The following CASD1 variants were observed in gnomAD, a reference collection of about 807,000 sequenced individuals.
CASD1 encodes the protein CAS1 domain sialic acid O acetyltransferase 1.
A neutral mutation model predicts 100.0 loss-of-function variants in CASD1; 41 were observed. The observed-to-expected ratio is 0.41, with a 90% CI of 0.32 to 0.53. The LOEUF is 0.53. Ranked by LOEUF, CASD1 falls within the 20% of genes least tolerant of loss-of-function variation. The pLI, the probability that CASD1 is intolerant of heterozygous loss-of-function variation, is 0.25. For synonymous variants in CASD1, 321 were observed against 315.6 expected (o/e 1.02, Z -0.18); for missense variants, 774 against 948.7 (o/e 0.82, Z 2.42).
intron 16 of CASD1, 93 bp from the exon 17 acceptor site, chr7:94,554,388 CAT>C (rs1796103660): frequency 5.3e-6 from 4 of 757,038 alleles, no homozygotes; most frequent in Admixed American, 5.4e-5. Flanking sequence ...AGTTCACAAA[CAT>C]AAAGAATAAG....
the CASD1 span, chr7:94,590,986 G>A: frequency 6.6e-6 from 1 of 151,860 alleles, no homozygotes; most frequent in Non-Finnish European, 1.5e-5. Flanking sequence ...GATATTACTA[G>A]GGAAATAATA....
At chr7:94,589,336 TC>T in the CASD1 span, 737 of 156,732 alleles carry the variant, frequency 4.7e-3, 3 homozygotes, top group African/African-American at 0.017. Context: ...CTCATTTGGA[TC>T]TGCCCCATTC....
At chr7:94,512,351 A>G (rs980212530) in intron 1 of CASD1, among the ~76,000 whole-genome samples, 2 of 152,228 alleles carry the variant, frequency 1.3e-5, no homozygotes, top group East Asian at 1.9e-4. Flanking sequence ...AGCCCAGGCC[A>G]TGGCTTGGAA....
chr7:94,574,145 A>AT, the CASD1 span, among the ~76,000 whole-genome samples: 4 of 151,968 alleles, frequency 2.6e-5, no homozygotes, highest in Admixed American at 2.6e-4. Context: ...TTTGTTGAGG[A>AT]TTTTTGCATC....
the CASD1 span, among the ~76,000 whole-genome samples, chr7:94,581,950 C>G: frequency 1.3e-5 from 2 of 152,202 alleles, no homozygotes; most frequent in African/African-American, 2.4e-5. Flanking sequence ...GGAACCACCA[C>G]AGTGTCTTCC....
At chr7:94,537,943 C>A in intron 9 of CASD1, 49 bp downstream of exon 9, 2 of 1,020,352 alleles carry the variant, frequency 2.0e-6, no homozygotes, top group East Asian at 2.4e-5. Flanking sequence ...TGTCTCATTA[C>A]ATACTCTGTG....
chr7:94,518,705 T>C (rs1000804741), intron 3 of CASD1, among the ~76,000 whole-genome samples: 18 of 152,114 alleles, frequency 1.2e-4, no homozygotes, highest in Non-Finnish European at 2.2e-4. Context: ...TAGTAATCTT[T>C]TAATATGTGC....
the CASD1 span, chr7:94,597,122 C>A: frequency 3.3e-5 from 5 of 151,988 alleles, no homozygotes; most frequent in African/African-American, 1.2e-4. Context: ...GAAACCCATC[C>A]GTTGCATTCA....
chr7:94,541,552 T>G (rs908973830), intron 10 of CASD1, among the ~76,000 whole-genome samples: 420 of 139,710 alleles, frequency 3.0e-3, no homozygotes, highest in African/African-American at 0.011. Flanking sequence ...TTTTTTTTTT[T>G]TTTTTTTTTT....
the CASD1 span, among the ~76,000 whole-genome samples, chr7:94,576,536 A>T: frequency 6.6e-6 from 1 of 152,204 alleles, no homozygotes; most frequent in Non-Finnish European, 1.5e-5. Context: ...GTGATTTATG[A>T]TGAATGCCTG....
rs1331204391 is a variant in CASD1, at chr7:94,510,005, A to T, written c.-80A>T. 3.1e-6 allele frequency: 4 copies of T among 1,300,152 alleles called. No individual in the cohort carries two copies. Among genetic ancestry groups the T allele is most frequent in the East Asian group, 3.2e-5 (1 of 31,054 alleles). The allele number at this position is 1,300,152 out of a possible 1,614,324, so 80.5% of individuals were successfully genotyped here. ...TGGCGGCCGCTCCTCGCCTGGCTGC[A>T]GCGGCGGCAGCCCCAGTGCTGCCCC... On this transcript the variant is annotated 5_prime_UTR_variant, in exon 1 of 18. Transcript: ENST00000297273.
chr7:94,574,526 G>A, the CASD1 span, among the ~76,000 whole-genome samples: 117 of 152,164 alleles, frequency 7.7e-4, no homozygotes, highest in African/African-American at 2.5e-3. Context: ...AGAGGTATTC[G>A]TAGTAGTTTC....
chr7:94,516,982 C>T (rs1584375777), intron 1 of CASD1, among the ~76,000 whole-genome samples: 1 of 151,964 alleles, frequency 6.6e-6, no homozygotes, highest in East Asian at 1.9e-4. Flanking sequence ...TGGCTCACTG[C>T]AACCTCTGCC....
At chr7:94,582,419 G>C in the CASD1 span, among the ~76,000 whole-genome samples, 2 of 152,114 alleles carry the variant, frequency 1.3e-5, no homozygotes, top group East Asian at 3.9e-4. Context: ...CACTGCACCT[G>C]GCCAGCTTTT....
intron 17 of CASD1, 96 bp from the exon 18 acceptor site, chr7:94,555,396 A>C (rs980275853): frequency 2.7e-5 from 33 of 1,227,722 alleles, no homozygotes; most frequent in Non-Finnish European, 3.5e-5. Context: ...AAAGCCTTCT[A>C]ATGTTATTAT....
At chr7:94,521,450 A>G (rs1312734620) in intron 3 of CASD1, among the ~76,000 whole-genome samples, 1 of 152,196 alleles carries the variant, frequency 6.6e-6, no homozygotes, top group Non-Finnish European at 1.5e-5. Context: ...AGATATGTCA[A>G]GGGTAAATGA....
In CASD1 at chr7:94,551,333, T is replaced by C. The variant is rs1413689471; in HGVS notation, c.1816-5T>C. ...TAAAACAAATTTTCTCTCTTTACTT[T>C]TCAGGTAGTTTTCCACGGAATGCTG... On this transcript the variant is annotated splice_region_variant and splice_polypyrimidine_tract_variant and intron_variant, in intron 14 of 17. Coordinates refer to ENST00000297273, the MANE Select transcript of CASD1 (RefSeq NM_022900.5). 6.5e-7 allele frequency: 1 copy of C among 1,536,098 alleles called. No homozygotes were observed. The highest frequency in any genetic ancestry group is 8.7e-7 in the Non-Finnish European group (1 of 1,151,834).
intron 8 of CASD1, 50 bp downstream of exon 8, chr7:94,535,573 C>T (rs1795079458): frequency 7.6e-7 from 1 of 1,311,908 alleles, no homozygotes; most frequent in East Asian, 2.3e-5. Context: ...ATATCAATTG[C>T]TTTAAGCCAT....
chr7:94,527,817 G>A (rs919371892), intron 4 of CASD1, among the ~76,000 whole-genome samples: 6 of 152,180 alleles, frequency 3.9e-5, no homozygotes, highest in Non-Finnish European at 8.8e-5. Context: ...AAGGGTACAA[G>A]TGGCAGGAGT....
Sources: allele counts gnomAD v4.1 joint callset (sites outside exome capture counted in the v4.1 genomes callset), GRCh38; gene constraint gnomAD v4.1.1; transcripts MANE v1.5; gene names NCBI Gene and HGNC (gene_info 2026-07-23, HGNC 2026-07-21).